HERC2: variants seen among roughly 807,000 people sequenced by gnomAD.
The protein encoded by HERC2 is HECT and RLD domain containing E3 ubiquitin protein ligase 2, also known as E3 ubiquitin-protein ligase HERC2.
In HERC2, 102 loss-of-function variants were observed where a neutral mutation model predicts 537.7. The ratio of observed to expected loss-of-function variants is 0.19; its 90% CI spans 0.16 to 0.22. The LOEUF (loss-of-function observed/expected upper bound fraction) is 0.22, where lower values mean the gene tolerates loss of function less well. HERC2 is among the 10% of genes least tolerant of loss of function. HERC2 has a pLI of 1.00. For synonymous variants in HERC2, 2,224 were observed against 2,466.2 expected (o/e 0.90, Z 2.91); for missense variants, 4,236 against 6,198.2 (o/e 0.68, Z 10.63).
intron 78 of HERC2, among the ~76,000 whole-genome samples, 166 bp from the exon 79 acceptor site, chr15:28,135,858 T>C (rs1257788488): frequency 6.6e-6 from 1 of 152,204 alleles, no homozygotes; most frequent in African/African-American, 2.4e-5. Flanking sequence ...ACATGCTCTA[T>C]CAAAGTTCTA....
At chr15:28,178,291 T>A (rs1361653063) in intron 59 of HERC2, among the ~76,000 whole-genome samples, 2 of 152,202 alleles carry the variant, frequency 1.3e-5, no homozygotes, top group African/African-American at 2.4e-5. Context: ...GGCCCTGGAC[T>A]CTGGGGGCGA....
Position 28,157,178 on chromosome 15 carries a change from A to G in HERC2, c.10747-4348T>C, listed in dbSNP as rs7180269. 2.4e-3 allele frequency among the ~76,000 whole-genome samples: 371 copies of G among 152,322 alleles called. 1 individual carries two copies. The highest frequency in any genetic ancestry group is 8.4e-3 in the African/African-American group (351 of 41,578). ...TATTTTATTGAGGATTTTTGCATCA[A>G]TGTTCATCAGGGATATTGGTGTAAA... is the stretch of plus-strand genomic sequence containing the variant. On this transcript the variant is annotated intron_variant, in intron 69 of 92. Transcript: ENST00000261609.
intron 2 of HERC2, among the ~76,000 whole-genome samples, chr15:28,308,373 G>C (rs958432847): frequency 1.3e-5 from 2 of 152,224 alleles, no homozygotes; most frequent in Non-Finnish European, 2.9e-5. Flanking sequence ...TTGGCACACA[G>C]AAATGCTACT....
At chr15:28,173,280 T>C (rs1011540740) in intron 65 of HERC2, among the ~76,000 whole-genome samples, 3 of 152,192 alleles carry the variant, frequency 2.0e-5, no homozygotes, top group Admixed American at 6.5e-5. Context: ...AAATGTCCAT[T>C]AGCAATTTCA....
rs1198048441 is a variant in HERC2, at chr15:28,260,797, T to C, written c.2296A>G (p.Ile766Val). ...AGTACCTGGGCAGGCCCACAGGCAA[T>C]TCCCACTATGTGTTTGGTGTCCAGT... ...PGLDTKHIVG[I>V]ACGPAQSFAW... The change falls in exon 16 of 93, where the codon ATT becomes GTT. Residue 766 changes from isoleucine to valine, a missense_variant. By Grantham distance (29) the Ile-to-Val change is conservative (BLOSUM62 3). Around this residue, in one of 27 missense-constraint regions of HERC2, gnomAD observed 754 missense variants for 1,085.0 expected, o/e 0.69. Coordinates refer to ENST00000261609, the MANE Select transcript of HERC2 (RefSeq NM_004667.6). 5.0e-6 allele frequency: 8 copies of C among 1,614,194 alleles called. No individual in the cohort carries two copies. Among genetic ancestry groups the C allele is most frequent in the Non-Finnish European group, 6.8e-6 (8 of 1,180,010 alleles).
chr15:28,297,682 T>G (rs1298446195), intron 3 of HERC2, among the ~76,000 whole-genome samples: 7 of 152,204 alleles, frequency 4.6e-5, no homozygotes, highest in Non-Finnish European at 1.5e-5. Flanking sequence ...TGGAGAAACA[T>G]CAGGCCAACT....
intron 2 of HERC2, among the ~76,000 whole-genome samples, chr15:28,301,727 ATGTATG>A (rs1374724545): frequency 3.3e-4 from 16 of 47,972 alleles, no homozygotes; most frequent in East Asian, 2.8e-3. Flanking sequence ...CACTAGTTGT[ATGTATG>A]TGTATATATA....
At chr15:28,292,214 A>G (rs1254601856) in intron 4 of HERC2, among the ~76,000 whole-genome samples, 2 of 129,776 alleles carry the variant, frequency 1.5e-5, no homozygotes, top group African/African-American at 5.7e-5. Flanking sequence ...GGGCAACAAG[A>G]GCCAAACTCC....
chr15:28,216,145 G>A (rs1899878683), intron 38 of HERC2, among the ~76,000 whole-genome samples: 3 of 151,968 alleles, frequency 2.0e-5, no homozygotes, highest in South Asian at 2.1e-4. Context: ...CTAAGTATGT[G>A]TAGTAAAAGT....
At chr15:28,310,603 G>T (rs1272914192) in intron 2 of HERC2, among the ~76,000 whole-genome samples, 1 of 152,164 alleles carries the variant, frequency 6.6e-6, no homozygotes, top group Non-Finnish European at 1.5e-5. Context: ...TACGTGCACT[G>T]GGGTTCAGTC....
At chr15:28,115,727 T>G (rs1403184500) in intron 88 of HERC2, among the ~76,000 whole-genome samples, 186 bp from the exon 89 acceptor site, 1 of 71,324 alleles carries the variant, frequency 1.4e-5, no homozygotes, top group African/African-American at 3.0e-5. Flanking sequence ...TCTATCCTTT[T>G]GTGCCTAAAA....
At chr15:28,294,169 A>G (rs918961077) in intron 3 of HERC2, among the ~76,000 whole-genome samples, 3 of 152,228 alleles carry the variant, frequency 2.0e-5, no homozygotes, top group Admixed American at 1.3e-4. Context: ...TGTGTCCCAC[A>G]GTGCAATTCA....
At chr15:28,305,182 G>T (rs1442666733) in intron 2 of HERC2, among the ~76,000 whole-genome samples, 2 of 147,052 alleles carry the variant, frequency 1.4e-5, no homozygotes, top group African/African-American at 5.0e-5. Context: ...ACATACGTGT[G>T]CATGTGTCTT....
intron 35 of HERC2, among the ~76,000 whole-genome samples, chr15:28,223,133 G>A (rs1449711712): frequency 1.3e-5 from 2 of 152,174 alleles, no homozygotes; most frequent in African/African-American, 4.8e-5. Flanking sequence ...GGTGGCTACA[G>A]AGTCATCCAT....
At chr15:28,291,676 A>G (rs2076316594) in intron 4 of HERC2, among the ~76,000 whole-genome samples, 1 of 152,114 alleles carries the variant, frequency 6.6e-6, no homozygotes, top group Admixed American at 6.6e-5. Flanking sequence ...TGGGCTGGAT[A>G]AAGGGAAGAG....
At chr15:28,133,084 A>G (rs922781479) in intron 79 of HERC2, among the ~76,000 whole-genome samples, 4 of 152,076 alleles carry the variant, frequency 2.6e-5, no homozygotes, top group Admixed American at 1.3e-4. Context: ...TTCGAAGCAC[A>G]GACCATTTTT....
chr15:28,220,500 C>T lies in HERC2; in HGVS notation c.5797G>A (p.Ala1933Thr), dbSNP rs746645531. The change falls in exon 37 of 93, where the codon GCT becomes ACT. Residue 1933 changes from alanine (A) to threonine (T), a missense_variant. Ala to Thr is a moderately conservative substitution (Grantham distance 58). This residue lies in a region of HERC2 where 365 missense variants were observed against 468.8 expected (regional missense o/e 0.78). Transcript: ENST00000261609. ...KYDLKLAELP[A>T]AAQPSAEDSD... is the part of the protein sequence containing the mutation. ...TCCTCTGCTGAGGGCTGTGCAGCAG[C>T]CGGCAGCTCTGCCAGCTTGAGGTCG... The T allele has an allele frequency of 2.3e-5, 37 of 1,604,408 alleles. No homozygotes were observed. Among genetic ancestry groups the T allele is most frequent in the Non-Finnish European group, 3.1e-5 (36 of 1,179,822 alleles).
intron 2 of HERC2, among the ~76,000 whole-genome samples, chr15:28,302,106 C>A (rs1039472832): frequency 6.8e-6 from 1 of 147,992 alleles, no homozygotes; most frequent in Admixed American, 6.8e-5. Context: ...CCCTATCTAA[C>A]TCCATTTTTA....
intron 86 of HERC2, among the ~76,000 whole-genome samples, chr15:28,119,772 A>G (rs1888679334): frequency 6.6e-6 from 1 of 152,154 alleles, no homozygotes; most frequent in Non-Finnish European, 1.5e-5. Context: ...TTTGTTTGCC[A>G]TTTACCCAGT....
Sources: gnomAD v4.1 joint callset for allele counts (sites outside exome capture counted in the v4.1 genomes callset) on GRCh38, gnomAD v4.1.1 for gene constraint, gnomAD v4.1.1 regional missense constraint, MANE v1.5 for transcripts, NCBI Gene and HGNC (gene_info 2026-07-23, HGNC 2026-07-21) for gene names.